Variants in ATP11C observed in about 807,000 individuals in gnomAD.
ATP11C encodes the protein ATPase phospholipid transporting 11C (ATP11C blood group).
ATP11C carries 36 observed loss-of-function variants against 97.4 expected under a neutral mutation model. That is an observed-to-expected ratio of 0.37 (90% CI 0.28 to 0.49). The LOEUF (loss-of-function observed/expected upper bound fraction) is 0.49, where lower values mean the gene tolerates loss of function less well. Among genes scored for constraint, ATP11C ranks in the 20% least tolerant of loss-of-function variants. ATP11C has a pLI of 0.98. For synonymous variants in ATP11C, 275 were observed against 290.9 expected, an observed-to-expected ratio of 0.95 and a Z score of 0.56; for missense variants, 730 against 824.6, an observed-to-expected ratio of 0.89 and a Z score of 1.40.
At chrX:139,925,994 C>T (rs2085345666) in intron 1 of ATP11C, among the ~76,000 whole-genome samples, 1 of 112,204 alleles carries the variant, frequency 8.9e-6, no homozygotes, top group Non-Finnish European at 1.9e-5. Context: ...ATAGGGCATC[C>T]TGTGCCCATA....
chrX:139,904,506 C>T (rs567043328), intron 1 of ATP11C, among the ~76,000 whole-genome samples: 2 of 111,388 alleles, frequency 1.8e-5, no homozygotes, highest in East Asian at 5.7e-4. Context: ...CCAGACTGGG[C>T]GACAAGAGCG....
intron 14 of ATP11C, 119 bp from the exon 15 acceptor site, chrX:139,787,363 T>C (rs2082596519): frequency 1.9e-6 from 1 of 516,151 alleles, no homozygotes; most frequent in African/African-American, 2.5e-5. Context: ...AGTGGCGCGA[T>C]CTCGGCTCAC....
intron 1 of ATP11C, among the ~76,000 whole-genome samples, chrX:139,855,832 G>A (rs947703860): frequency 7.2e-5 from 8 of 111,198 alleles, no homozygotes; most frequent in Admixed American, 5.7e-4. Context: ...TTTAATCTGG[G>A]GAGATTTCGA....
At position 139,734,172 on chromosome X, in the gene ATP11C, A is replaced by C. The variant is rs2081398931; in HGVS notation, c.3289-2417T>G. On this transcript the variant is annotated intron_variant, in intron 28 of 29. Coordinates refer to ENST00000682941, the MANE Select transcript of ATP11C (RefSeq NM_001353812.2). ...AACAGGGCTATTGCCCTGTGAACCC[A>C]TGGTTGTATATGACACTGTAAGAAT... Among the ~76,000 whole-genome samples, 3 of 111,564 alleles carry C rather than the reference A, an allele frequency of 2.7e-5. No individual in the cohort carries two copies. The South Asian group carries it at 1.1e-3, about 42-fold the overall frequency.
intron 5 of ATP11C, among the ~76,000 whole-genome samples, chrX:139,807,197 A>C (rs1348526337): frequency 9.0e-6 from 1 of 111,266 alleles, no homozygotes; most frequent in Non-Finnish European, 1.9e-5. Flanking sequence ...AAGGCAAGGG[A>C]ACGTGGGGCG....
At chrX:139,815,056 C>T (rs937646894) in intron 4 of ATP11C, 71 bp from the exon 5 acceptor site, 109 of 583,677 alleles carry the variant, frequency 1.9e-4, no homozygotes, top group Non-Finnish European at 2.6e-4. Context: ...TTTCTATATC[C>T]TCCCATGAGT....
intron 22 of ATP11C, among the ~76,000 whole-genome samples, chrX:139,758,996 G>A (rs1314361462): frequency 8.9e-6 from 1 of 112,458 alleles, no homozygotes; most frequent in South Asian, 3.7e-4. Context: ...AATTGCCCCT[G>A]CAGCATGAGT....
intron 19 of ATP11C, among the ~76,000 whole-genome samples, chrX:139,770,501 G>A (rs1281763331): frequency 2.7e-5 from 3 of 111,854 alleles, no homozygotes; most frequent in Non-Finnish European, 5.6e-5. Context: ...TTTTCAGAGC[G>A]GATATGATAT....
chrX:139,823,542 A>T (rs1385511123), intron 2 of ATP11C, among the ~76,000 whole-genome samples: 1 of 112,431 alleles, frequency 8.9e-6, no homozygotes, highest in African/African-American at 3.2e-5. Context: ...ATTTATCATT[A>T]AAAATGCTGA....
chrX:139,815,976 G>A (rs1371569591), intron 4 of ATP11C, among the ~76,000 whole-genome samples: 1 of 111,287 alleles, frequency 9.0e-6, no homozygotes, highest in East Asian at 2.8e-4. Context: ...TGCTATTCTT[G>A]GAACCAGCAA....
chrX:139,767,180 A>T (rs1212004078), intron 20 of ATP11C, among the ~76,000 whole-genome samples: 1 of 112,039 alleles, frequency 8.9e-6, no homozygotes, highest in Admixed American at 9.5e-5. Context: ...AATGTATGAT[A>T]GGAAGAGTTG....
chrX:139,867,502 C>A (rs2084305299), intron 1 of ATP11C, among the ~76,000 whole-genome samples: 1 of 111,734 alleles, frequency 8.9e-6, no homozygotes, highest in South Asian at 3.8e-4. Context: ...CAAGAATTCA[C>A]AATCCAGAAG....
intron 18 of ATP11C, among the ~76,000 whole-genome samples, chrX:139,775,384 T>C (rs912368917): frequency 2.7e-5 from 3 of 112,173 alleles, no homozygotes; most frequent in African/African-American, 9.7e-5. Context: ...TCCCTATCCT[T>C]GAGGAGCTTT....
At chrX:139,787,698 T>C (rs923407318) in intron 14 of ATP11C, among the ~76,000 whole-genome samples, 9 of 112,601 alleles carry the variant, frequency 8.0e-5, no homozygotes, top group Non-Finnish European at 1.7e-4. Context: ...CCTGGATAAG[T>C]TGATAACAGA....
intron 1 of ATP11C, among the ~76,000 whole-genome samples, chrX:139,860,574 T>C (rs2084171575): frequency 9.0e-6 from 1 of 111,726 alleles, no homozygotes; most frequent in Non-Finnish European, 1.9e-5. Flanking sequence ...TCCCAGCACT[T>C]TGGGAGGCTG....
chrX:139,902,493 A>C (rs149071282), intron 1 of ATP11C, among the ~76,000 whole-genome samples: 70 of 112,054 alleles, frequency 6.2e-4, no homozygotes, highest in African/African-American at 2.1e-3. Context: ...CACCTCAGGA[A>C]AAAAATATTA....
intron 22 of ATP11C, among the ~76,000 whole-genome samples, chrX:139,759,101 G>A (rs1003302721): frequency 9.0e-6 from 1 of 111,528 alleles, no homozygotes; most frequent in Non-Finnish European, 1.9e-5. Flanking sequence ...TATTCCTAGA[G>A]TCACAGTTTA....
intron 13 of ATP11C, 23 bp from the exon 14 acceptor site, chrX:139,788,366 T>C: frequency 8.5e-7 from 1 of 1,178,936 alleles, no homozygotes; most frequent in South Asian, 1.8e-5. Context: ...AACAAAATAA[T>C]GATTATTATT....
At chrX:139,817,545 C>T (rs2083312305) in intron 3 of ATP11C, among the ~76,000 whole-genome samples, 1 of 112,496 alleles carries the variant, frequency 8.9e-6, no homozygotes, top group Non-Finnish European at 1.9e-5. Flanking sequence ...TTCTCTATCC[C>T]ACAAATAGCA....
Sources: allele counts gnomAD v4.1 joint callset (sites outside exome capture counted in the v4.1 genomes callset), GRCh38; gene constraint gnomAD v4.1.1; transcripts MANE v1.5; gene names NCBI Gene and HGNC (gene_info 2026-07-23, HGNC 2026-07-21).